GMEB1: variants seen among roughly 807,000 people sequenced by gnomAD.
GMEB1 encodes glucocorticoid modulatory element-binding protein 1.
In GMEB1, 6 loss-of-function variants were observed where a neutral mutation model predicts 52.4. The ratio of observed to expected loss-of-function variants is 0.11; its 90% CI spans 0.06 to 0.23. The LOEUF (loss-of-function observed/expected upper bound fraction) is 0.23. Ranked by LOEUF, GMEB1 falls within the 10% of genes least tolerant of loss-of-function variation. The probability of loss-of-function intolerance (pLI) is 1.00; values close to 1 mark genes in which losing one functional copy is unlikely to be tolerated. For synonymous variants in GMEB1, 255 were observed against 244.9 expected (o/e 1.04, Z -0.38); for missense variants, 486 against 685.6 (o/e 0.71, Z 3.25).
At chr1:28,696,292 C>G (rs767686113) in intron 5 of GMEB1, among the ~76,000 whole-genome samples, 2 of 151,976 alleles carry the variant, frequency 1.3e-5, no homozygotes, top group Non-Finnish European at 2.9e-5. Context: ...GTCTCAAACT[C>G]CTGAGTTCAA....
intron 2 of GMEB1, among the ~76,000 whole-genome samples, chr1:28,684,241 T>G (rs1210297005): frequency 6.6e-6 from 1 of 152,106 alleles, no homozygotes; most frequent in African/African-American, 2.4e-5. Flanking sequence ...ACCCAGCACA[T>G]TATCATTTCA....
intron 9 of GMEB1, among the ~76,000 whole-genome samples, chr1:28,713,119 C>T (rs1430792229): frequency 4.1e-5 from 6 of 145,840 alleles, no homozygotes; most frequent in Non-Finnish European, 7.5e-5. Context: ...GATCGCACCA[C>T]TGCACTCCAG....
chr1:28,714,616 T>C lies in GMEB1; in HGVS notation c.1535T>C (p.Ile512Thr), dbSNP rs1671208786. 1 of 1,613,962 alleles carries C rather than the reference T, an allele frequency of 6.2e-7. No individual in the cohort carries two copies. The change falls in exon 10 of 10, where the codon ATT becomes ACT. Residue 512 changes from isoleucine to threonine, a missense_variant. Transcript: ENST00000373816. The part of the protein sequence containing the change: ...ESTSEDGQTI[I>T]EIDPAPDPEA... Reference sequence around the variant, plus strand: ...ACCTCAGAGGATGGGCAGACCATCATTGAGATTGATCCAGCCCCGGACCCA... The same window carrying C: ...ACCTCAGAGGATGGGCAGACCATCACTGAGATTGATCCAGCCCCGGACCCA...
At chr1:28,679,501 G>A (rs1333433191) in intron 1 of GMEB1, among the ~76,000 whole-genome samples, 1 of 152,060 alleles carries the variant, frequency 6.6e-6, no homozygotes, top group Non-Finnish European at 1.5e-5. Flanking sequence ...AAGGCTTCAA[G>A]TTGCAGGAGT....
intron 1 of GMEB1, among the ~76,000 whole-genome samples, chr1:28,672,050 T>TG (rs1668908734): frequency 6.7e-6 from 1 of 150,284 alleles, no homozygotes; most frequent in Non-Finnish European, 1.5e-5. Context: ...AGGCGGAAGT[T>TG]GCAGTGAGCC....
chr1:28,671,404 A>C (rs1668879182), intron 1 of GMEB1, among the ~76,000 whole-genome samples: 1 of 152,196 alleles, frequency 6.6e-6, no homozygotes, highest in South Asian at 2.1e-4. Flanking sequence ...GGTGCGTGGC[A>C]CTGCGCCCGC....
upstream of GMEB1, chr1:28,668,627 T>C (rs1043764393): frequency 3.9e-5 from 6 of 153,038 alleles, no homozygotes; most frequent in African/African-American, 1.4e-4. Context: ...TCTGCTTAGG[T>C]AAGGCCCAAA....
Position 28,714,376 on chromosome 1 carries a change from G to A in GMEB1, c.1295G>A (p.Gly432Asp), listed in dbSNP as rs1176965003. Residue 432 changes from glycine to aspartate, a missense_variant, in exon 10 of 10, where the codon GGC (glycine) becomes GAC (aspartate). Gly to Asp is a moderately conservative substitution (Grantham distance 94). This residue lies in a region of GMEB1 where 153 missense variants were observed against 200.8 expected (regional missense o/e 0.76). Coordinates refer to ENST00000373816, the MANE Select transcript of GMEB1 (RefSeq NM_001319674.2). ...SPVTVHTLPS[G>D]PQLFRYATVV... ...GTGACTGTCCACACACTGCCTTCTGGCCCTCAGCTCTTCCGCTATGCCACA... is the reference window on the plus strand; with the variant it reads ...GTGACTGTCCACACACTGCCTTCTGACCCTCAGCTCTTCCGCTATGCCACA... 1 of 1,614,172 alleles carries A rather than the reference G, an allele frequency of 6.2e-7. No individual in the cohort carries two copies. Among genetic ancestry groups the A allele is most frequent in the Admixed American group, 1.7e-5 (1 of 60,012 alleles).
At chr1:28,701,883 G>A (rs1242810281) in intron 6 of GMEB1, among the ~76,000 whole-genome samples, 2 of 152,144 alleles carry the variant, frequency 1.3e-5, no homozygotes, top group Non-Finnish European at 2.9e-5. Flanking sequence ...ACAAGTAATA[G>A]CAAAGGGTAT....
intron 5 of GMEB1, among the ~76,000 whole-genome samples, chr1:28,694,202 T>C (rs1008168117): frequency 2.6e-5 from 4 of 151,036 alleles, no homozygotes; most frequent in Non-Finnish European, 4.4e-5. Flanking sequence ...TTTTTTTTTT[T>C]TTTTTTTGAG....
intron 8 of GMEB1, among the ~76,000 whole-genome samples, chr1:28,704,938 A>G (rs1040692452): frequency 6.6e-6 from 1 of 151,628 alleles, no homozygotes; most frequent in African/African-American, 2.4e-5. Flanking sequence ...TTAGTCAGGT[A>G]TGGTTGGTAG....
intron 2 of GMEB1, among the ~76,000 whole-genome samples, chr1:28,689,032 C>T (rs1310787525): frequency 2.0e-5 from 3 of 151,818 alleles, no homozygotes; most frequent in African/African-American, 7.3e-5. Flanking sequence ...GCTGGGATTA[C>T]AGGCGCGCCA....
rs1669887129 is a variant in GMEB1, at chr1:28,690,200, T to TG, written c.211+15dup. 3.5e-6 allele frequency: 4 copies of TG among 1,131,064 alleles called. No homozygotes were observed. The highest frequency in any genetic ancestry group is 1.3e-6 in the Non-Finnish European group (1 of 796,490). 70.1% of individuals were successfully genotyped at this position (1,131,064 alleles called of 1,614,324 possible). ...AAGAAGGGATTGGTAAGGGTTTTTTTGTGTTTTTTTTTTTTTTTTTTTTTG... is the reference window on the plus strand; with the variant it reads ...AAGAAGGGATTGGTAAGGGTTTTTTTGGTGTTTTTTTTTTTTTTTTTTTTTG... On this transcript the variant is annotated intron_variant, in intron 3 of 9. Transcript: ENST00000373816.
intron 8 of GMEB1, among the ~76,000 whole-genome samples, chr1:28,708,619 G>C (rs968776172): frequency 6.6e-6 from 1 of 151,592 alleles, no homozygotes; most frequent in Non-Finnish European, 1.5e-5. Context: ...GCACCACCAC[G>C]CCTGGCCAAT....
chr1:28,695,527 C>T (rs965138853), intron 5 of GMEB1, among the ~76,000 whole-genome samples: 5 of 151,906 alleles, frequency 3.3e-5, no homozygotes, highest in African/African-American at 9.7e-5. Context: ...CCACCATTCC[C>T]GGCCCACATC....
rs2124602269 is a variant in GMEB1 at position 28,714,542 on chromosome 1, G to C, written c.1461G>C (p.Leu487Phe). The C allele has an allele frequency of 6.2e-7, 1 of 1,614,210 alleles. No homozygotes were observed. Among genetic ancestry groups the C allele is most frequent in the South Asian group, 1.1e-5 (1 of 91,092 alleles). The change falls in exon 10 of 10, where the codon TTG becomes TTC. Residue 487 changes from leucine (L) to phenylalanine (F), a missense_variant. By Grantham distance (22) the Leu-to-Phe change is conservative (BLOSUM62 0). Coordinates refer to ENST00000373816, the MANE Select transcript of GMEB1 (RefSeq NM_001319674.2). Reference sequence around the variant, plus strand: ...CCACCATGGTTAGCCCTGTGGAATTGGTGGCCATGGAGTCCGGCCTAACCT... The same window carrying C: ...CCACCATGGTTAGCCCTGTGGAATTCGTGGCCATGGAGTCCGGCCTAACCT... ...NMTTMVSPVE[L>F]VAMESGLTSA...
At chr1:28,678,680 A>G (rs1202650346) in intron 1 of GMEB1, among the ~76,000 whole-genome samples, 1 of 151,814 alleles carries the variant, frequency 6.6e-6, no homozygotes, top group African/African-American at 2.4e-5. Flanking sequence ...GTGCAGTGGC[A>G]CGATCTTGGC....
intron 1 of GMEB1, among the ~76,000 whole-genome samples, chr1:28,683,080 G>C (rs145542792): frequency 0.011 from 1,684 of 152,246 alleles, 10 homozygotes; most frequent in Non-Finnish European, 0.017. Flanking sequence ...ATACTAGCAA[G>C]TGACTGTTGA....
At chr1:28,699,666 G>T (rs1434322050) in intron 6 of GMEB1, among the ~76,000 whole-genome samples, 2 of 151,872 alleles carry the variant, frequency 1.3e-5, no homozygotes, top group African/African-American at 2.4e-5. Flanking sequence ...CTGACTTGAG[G>T]TGATCCACCC....
Sources: gnomAD v4.1 joint callset for allele counts (sites outside exome capture counted in the v4.1 genomes callset) on GRCh38, gnomAD v4.1.1 for gene constraint, gnomAD v4.1.1 regional missense constraint, MANE v1.5 for transcripts, NCBI Gene and HGNC (gene_info 2026-07-23, HGNC 2026-07-21) for gene names.